NPFFR2: variants seen among roughly 807,000 people sequenced by gnomAD.
NPFFR2 encodes the protein G-protein coupled receptor 74.
In NPFFR2, 15 loss-of-function variants were observed where a neutral mutation model predicts 13.1. The observed-to-expected ratio is 1.15, with a 90% CI of 0.77 to 1.76. The LOEUF (loss-of-function observed/expected upper bound fraction) is 1.76. NPFFR2 is among the 40% of genes most tolerant of loss of function. NPFFR2 has a pLI of 0.00. For missense variants in NPFFR2, 572 were observed against 503.5 expected, an observed-to-expected ratio of 1.14 and a Z score of -1.30; for synonymous variants, 190 against 175.7, an observed-to-expected ratio of 1.08 and a Z score of -0.65.
chr4:72,104,750 T>C (rs1034048312), intron 1 of NPFFR2, among the ~76,000 whole-genome samples: 1 of 151,996 alleles, frequency 6.6e-6, no homozygotes, highest in African/African-American at 2.4e-5. Context: ...TCAATATTGT[T>C]GCAGGCATTA....
intron 1 of NPFFR2, among the ~76,000 whole-genome samples, chr4:72,038,575 TA>T (rs1251764232): frequency 1.3e-5 from 2 of 152,114 alleles, no homozygotes; most frequent in African/African-American, 4.8e-5. Context: ...CCAATCAGTA[TA>T]TTTTTTTTCC....
chr4:72,127,271 T>C (rs1722077958), intron 1 of NPFFR2, among the ~76,000 whole-genome samples: 1 of 87,370 alleles, frequency 1.1e-5, no homozygotes, highest in Non-Finnish European at 2.0e-5. Flanking sequence ...GCCACTGCAC[T>C]CCAGCCTGGG....
At position 72,032,550 on chromosome 4, in the gene NPFFR2, C is replaced by A. The variant is rs13340245; in HGVS notation, c.-8+350C>A. Among the ~76,000 whole-genome samples, 1,337 of 152,278 alleles carry A rather than the reference C, an allele frequency of 8.8e-3. 10 individuals are homozygous for A. The highest frequency in any genetic ancestry group is 0.02 in the African/African-American group (821 of 41,538). ...ATTTCCTTAGCGGGTCTGAAGCTAG[C>A]GAGTTTCTAAACTGTTTTTATCCGT... On this transcript the variant is annotated intron_variant, in intron 1 of 3. Coordinates refer to ENST00000308744, the MANE Select transcript of NPFFR2 (RefSeq NM_004885.3).
intron 1 of NPFFR2, among the ~76,000 whole-genome samples, chr4:72,046,052 G>T (rs1043941978): frequency 6.6e-6 from 1 of 152,052 alleles, no homozygotes; most frequent in Non-Finnish European, 1.5e-5. Flanking sequence ...TAAAGAATGG[G>T]TAAGTAATAG....
chr4:72,140,733 G>A (rs531506586), intron 3 of NPFFR2, among the ~76,000 whole-genome samples: 147 of 151,194 alleles, frequency 9.7e-4, no homozygotes, highest in Non-Finnish European at 1.6e-3. Flanking sequence ...TTTTTTGGGG[G>A]GTGTCTCTAC....
At chr4:72,134,729 CCTTT>C (rs1179411287) in intron 2 of NPFFR2, among the ~76,000 whole-genome samples, 1 of 152,034 alleles carries the variant, frequency 6.6e-6, no homozygotes, top group Admixed American at 6.5e-5. Flanking sequence ...CTTGTCAATA[CCTTT>C]AAACATATCA....
At chr4:72,127,576 G>A (rs1197588254) in intron 1 of NPFFR2, among the ~76,000 whole-genome samples, 2 of 148,276 alleles carry the variant, frequency 1.3e-5, no homozygotes, top group African/African-American at 5.0e-5. Context: ...TGTTAGCCAG[G>A]ATGGTCTCGA....
chr4:72,140,840 C>T (rs551306988), intron 3 of NPFFR2, among the ~76,000 whole-genome samples: 5 of 152,048 alleles, frequency 3.3e-5, no homozygotes, highest in African/African-American at 4.8e-5. Flanking sequence ...AGGTATAGTA[C>T]CAGCTCCTCT....
intron 1 of NPFFR2, among the ~76,000 whole-genome samples, chr4:72,061,642 G>T (rs1339777576): frequency 6.6e-6 from 1 of 151,994 alleles, no homozygotes; most frequent in Non-Finnish European, 1.5e-5. Context: ...AGGAACATGG[G>T]TAAAGCTGGA....
Position 72,135,288 on chromosome 4 carries a change from G to A in NPFFR2, c.329-2752G>A, listed in dbSNP as rs1274621762. ...TATTTATTGTGCTGGATATAAATTC[G>A]GGCTTTGCAATCTGAAAATGAGTGG... On this transcript the variant is annotated intron_variant, in intron 2 of 3. Coordinates refer to ENST00000308744, the MANE Select transcript of NPFFR2 (RefSeq NM_004885.3). Among the ~76,000 whole-genome samples the A allele has an allele frequency of 4.0e-5, 6 of 151,878 alleles. No individual in the cohort carries two copies. In the East Asian group the frequency reaches 5.8e-4, roughly 15 times the overall value.
chr4:72,127,974 G>A (rs570002845), intron 1 of NPFFR2, among the ~76,000 whole-genome samples: 10 of 152,076 alleles, frequency 6.6e-5, no homozygotes, highest in African/African-American at 1.9e-4. Context: ...CAGCTACTTG[G>A]GGGGTGAGGC....
At position 72,039,348 on chromosome 4, in the gene NPFFR2, G is replaced by A. The variant is rs776880397; in HGVS notation, c.-8+7148G>A. On this transcript the variant is annotated intron_variant, in intron 1 of 3. Transcript: ENST00000308744. Reference sequence around the variant, plus strand: ...GCTGGGATTACAGGCGTGAGCCACCGCGCCCGGCCAATTTCCTTTCTTAGT... The same window carrying A: ...GCTGGGATTACAGGCGTGAGCCACCACGCCCGGCCAATTTCCTTTCTTAGT... 318 of 980,200 alleles carry A rather than the reference G, an allele frequency of 3.2e-4. 1 individual carries two copies. Among genetic ancestry groups the A allele is most frequent in the Admixed American group, 7.4e-4 (12 of 16,244 alleles). The allele number at this position is 980,200 out of a possible 1,614,324, so 60.7% of individuals were successfully genotyped here. A position where few individuals can be genotyped will look rare whatever the true frequency, so the allele number is the denominator to read the frequency against.
chr4:72,132,078 G>A (rs1488959327), intron 2 of NPFFR2, among the ~76,000 whole-genome samples: 1 of 151,100 alleles, frequency 6.6e-6, no homozygotes, highest in Non-Finnish European at 1.5e-5. Context: ...TGTCATGGGG[G>A]TTTGTTGTAC....
At position 72,067,033 on chromosome 4, in the gene NPFFR2, T is replaced by C. The variant is rs1720091368; in HGVS notation, c.-8+34833T>C. 3.0e-5 allele frequency among the ~76,000 whole-genome samples: 3 copies of C among 100,864 alleles called. No homozygotes were observed. The South Asian group carries it at 1.1e-3, about 39-fold the overall frequency. The allele number at this position is 100,864 out of a possible 152,430, so 66.2% of individuals were successfully genotyped here. A position where few individuals can be genotyped will look rare whatever the true frequency, so the allele number is the denominator to read the frequency against. On this transcript the variant is annotated intron_variant, in intron 1 of 3. Transcript: ENST00000308744. ...GGCTTTTCCCAGGTTGGGGCCTTAT[T>C]CAACACATGAGCAACAGTCCTCTCC...
chr4:72,083,144 A>G (rs959009077), intron 1 of NPFFR2, among the ~76,000 whole-genome samples: 1 of 152,196 alleles, frequency 6.6e-6, no homozygotes. Context: ...TAATGCTCCA[A>G]TGAACACAGA....
intron 1 of NPFFR2, among the ~76,000 whole-genome samples, chr4:72,042,655 T>C (rs1234649395): frequency 1.3e-5 from 2 of 152,174 alleles, no homozygotes; most frequent in African/African-American, 4.8e-5. Context: ...TCTTGTATGC[T>C]TTAGCAAAGA....
At chr4:72,087,654 C>T (rs1433559164) in intron 1 of NPFFR2, among the ~76,000 whole-genome samples, 2 of 151,830 alleles carry the variant, frequency 1.3e-5, no homozygotes, top group African/African-American at 4.8e-5. Context: ...ATAAATTTAA[C>T]AGAAATTTGA....
intron 1 of NPFFR2, among the ~76,000 whole-genome samples, chr4:72,090,829 T>A (rs1720896984): frequency 6.6e-6 from 1 of 152,110 alleles, no homozygotes; most frequent in Admixed American, 6.6e-5. Flanking sequence ...TTCTTTCTGA[T>A]TGCTCTGGCT....
At chr4:72,049,576 AC>A (rs1472617143) in intron 1 of NPFFR2, among the ~76,000 whole-genome samples, 1 of 151,982 alleles carries the variant, frequency 6.6e-6, no homozygotes, top group East Asian at 1.9e-4. Context: ...AACTTTAAAA[AC>A]CTGTTATAAT....
Sources: gnomAD v4.1 joint callset for allele counts (sites outside exome capture counted in the v4.1 genomes callset) on GRCh38, gnomAD v4.1.1 for gene constraint, MANE v1.5 for transcripts, NCBI Gene and HGNC (gene_info 2026-07-23, HGNC 2026-07-21) for gene names.